Variants in CPD observed in about 807,000 individuals in gnomAD.
CPD encodes the protein metallocarboxypeptidase D.
A neutral mutation model predicts 138.3 loss-of-function variants in CPD; 69 were observed. That is an observed-to-expected ratio of 0.50 (90% CI 0.41 to 0.61). The LOEUF is 0.61. Ranked by LOEUF, CPD falls within the 20% of genes least tolerant of loss-of-function variation. The probability of loss-of-function intolerance (pLI) is 0.00; values close to 1 mark genes in which losing one functional copy is unlikely to be tolerated. For synonymous variants in CPD, 651 were observed against 642.1 expected (o/e 1.01, Z -0.21); for missense variants, 1,432 against 1,733.3 (o/e 0.83, Z 3.09).
Position 30,379,364 on chromosome 17 carries a change from C to T in CPD, c.384C>T (p.Gly128=), listed in dbSNP as rs775424707. Residue 128 remains glycine (G), a synonymous_variant, in exon 1 of 21, where the codon GGC becomes GGT. Coordinates refer to ENST00000225719, the MANE Select transcript of CPD (RefSeq NM_001304.5). The surrounding 1 kb of genome is among the most constrained non-coding windows in gnomAD (Gnocchi z 7.0). ...ACGCTGCGGGGCCGCTGCTGCCCGG[C>T]CGGCCCCAGGTGAAGCTGGTGGGCA... The part of the protein sequence containing the change: ...GPDAAGPLLP[G]RPQVKLVGNM... 6.6e-7 allele frequency: 1 copy of T among 1,505,800 alleles called. No homozygotes were observed. Among genetic ancestry groups the T allele is most frequent in the Non-Finnish European group, 8.8e-7 (1 of 1,134,766 alleles). 93.3% of individuals were successfully genotyped at this position (1,505,800 alleles called of 1,614,324 possible).
At chr17:30,386,839 C>T (rs1911203098) in intron 2 of CPD, among the ~76,000 whole-genome samples, 1 of 152,084 alleles carries the variant, frequency 6.6e-6, no homozygotes, top group Non-Finnish European at 1.5e-5. Context: ...GTTAGTAATA[C>T]ATTTTGTTTA....
intron 2 of CPD, among the ~76,000 whole-genome samples, chr17:30,420,558 T>A (rs1359653399): frequency 1.3e-5 from 2 of 152,210 alleles, no homozygotes; most frequent in African/African-American, 2.4e-5. Context: ...AAGCTGCTAT[T>A]ATTATTGTTA....
chr17:30,401,033 G>A (rs1436306470), intron 2 of CPD, among the ~76,000 whole-genome samples: 1 of 151,976 alleles, frequency 6.6e-6, no homozygotes, highest in East Asian at 1.9e-4. Flanking sequence ...GTTGTGGATT[G>A]TAGTTTGTTG....
At chr17:30,439,413 C>CT (rs1229848952) in intron 9 of CPD, among the ~76,000 whole-genome samples, 1 of 76,722 alleles carries the variant, frequency 1.3e-5, no homozygotes, top group Non-Finnish European at 2.7e-5. Context: ...TTTTTCTTTT[C>CT]TTTTTTTATT....
Position 30,445,827 on chromosome 17 carries a change from G to T in CPD, c.2680G>T (p.Ala894Ser), listed in dbSNP as rs1913013658. Residue 894 changes from alanine (A) to serine (S), a missense_variant, in exon 12 of 21, where the codon GCC becomes TCC. Around this residue, in one of 6 missense-constraint regions of CPD, gnomAD observed 124 missense variants for 117.0 expected, o/e 1.06. Transcript: ENST00000225719. The stretch of plus-strand genomic sequence containing the variant: ...AGGGGCTAGCAGCAGCACCAATGAT[G>T]CCAGTGATCCAACTACTAAAGAGTT... ...GKGASSSTNDASDPTTKEFET... is the reference protein window; with the variant it reads ...GKGASSSTNDSSDPTTKEFET... The T allele has an allele frequency of 6.2e-7, 1 of 1,613,994 alleles. No homozygotes were observed. The highest frequency in any genetic ancestry group is 2.2e-5 in the East Asian group (1 of 44,890).
chr17:30,435,831 A>G (rs150879796), intron 8 of CPD, among the ~76,000 whole-genome samples: 58 of 152,222 alleles, frequency 3.8e-4, no homozygotes, highest in African/African-American at 1.3e-3. Flanking sequence ...GAAACTGTGG[A>G]AGAATCCTTC....
chr17:30,410,480 G>A (rs548285500), intron 2 of CPD, among the ~76,000 whole-genome samples: 120 of 152,288 alleles, frequency 7.9e-4, no homozygotes, highest in African/African-American at 2.5e-3. Flanking sequence ...CATTATCATT[G>A]TGTGGGAGCC....
intron 17 of CPD, among the ~76,000 whole-genome samples, chr17:30,458,509 G>A (rs1913360714): frequency 6.6e-6 from 1 of 151,966 alleles, no homozygotes; most frequent in African/African-American, 2.4e-5. Flanking sequence ...AGTGGGAGGG[G>A]CGGGGTACAT....
intron 15 of CPD, 154 bp from the exon 16 acceptor site, chr17:30,456,102 A>G (rs1913285440): frequency 1.6e-6 from 1 of 610,732 alleles, no homozygotes; most frequent in Middle Eastern, 4.4e-4. Flanking sequence ...CTTGGGCTAA[A>G]TAAAACCTTT....
intron 2 of CPD, among the ~76,000 whole-genome samples, chr17:30,401,341 CTTCCTCCTCTTCCTCT>C: frequency 6.6e-6 from 1 of 151,486 alleles, no homozygotes; most frequent in African/African-American, 2.4e-5. Context: ...TCTTCCTCTT[CTTCCTCCTCTTCCTCT>C]TCTTCCTCCT....
rs1259239558 is a variant in CPD, at chr17:30,431,866, A to G, written c.2112A>G (p.Ala704=). ...SPDDAVFQQI[A]LSYSKENSQM... ...ATGATGCTGTGTTCCAACAAATAGCACTTTCTTATTCCAAGGTAGGCTTGT... is the reference window on the plus strand; with the variant it reads ...ATGATGCTGTGTTCCAACAAATAGCGCTTTCTTATTCCAAGGTAGGCTTGT... Residue 704 remains alanine, a synonymous_variant, in exon 8 of 21, where the codon GCA becomes GCG. Coordinates refer to ENST00000225719, the MANE Select transcript of CPD (RefSeq NM_001304.5). The G allele has an allele frequency of 6.2e-7, 1 of 1,601,698 alleles. No homozygotes were observed. The highest frequency in any genetic ancestry group is 1.3e-5 in the African/African-American group (1 of 74,756).
chr17:30,399,243 G>A (rs1911587392), intron 2 of CPD, among the ~76,000 whole-genome samples: 1 of 152,118 alleles, frequency 6.6e-6, no homozygotes, highest in Non-Finnish European at 1.5e-5. Flanking sequence ...GATATGGTCA[G>A]ACTTGGTGCA....
chr17:30,415,977 G>A (rs1360207199), intron 2 of CPD, among the ~76,000 whole-genome samples: 7 of 152,168 alleles, frequency 4.6e-5, no homozygotes, highest in East Asian at 1.9e-4. Flanking sequence ...GCCAAGAGCC[G>A]GGGAGAGTGG....
intron 17 of CPD, among the ~76,000 whole-genome samples, chr17:30,459,570 G>T (rs1396750531): frequency 6.6e-6 from 1 of 152,172 alleles, no homozygotes; most frequent in Non-Finnish European, 1.5e-5. Flanking sequence ...GTAGTAAGTT[G>T]TAAAATTGGA....
chr17:30,381,594 A>C (rs959765583), intron 1 of CPD, among the ~76,000 whole-genome samples: 1 of 152,198 alleles, frequency 6.6e-6, no homozygotes, highest in African/African-American at 2.4e-5. Flanking sequence ...TTCACTCAAA[A>C]TGCGTACTCT....
intron 17 of CPD, chr17:30,456,812 A>G (rs1353711239): frequency 5.7e-5 from 11 of 192,394 alleles, no homozygotes; most frequent in Middle Eastern, 1.9e-3. Context: ...GCACTACTGC[A>G]CTCCAGCCTG....
intron 2 of CPD, among the ~76,000 whole-genome samples, chr17:30,396,513 C>T (rs1241671880): frequency 6.6e-6 from 1 of 152,122 alleles, no homozygotes; most frequent in East Asian, 1.9e-4. Context: ...ATTAATCTCC[C>T]CTCCCCTTAA....
chr17:30,403,143 C>T (rs146389308), intron 2 of CPD, among the ~76,000 whole-genome samples: 33 of 152,238 alleles, frequency 2.2e-4, no homozygotes, highest in Middle Eastern at 3.4e-3. Context: ...TAATACTTGT[C>T]TGTTTGTGCC....
intron 2 of CPD, among the ~76,000 whole-genome samples, chr17:30,402,638 A>G (rs1911704242): frequency 6.6e-6 from 1 of 152,264 alleles, no homozygotes; most frequent in African/African-American, 2.4e-5. Context: ...CTTTAAGGTT[A>G]GTCTGGTAAT....
Sources: allele counts gnomAD v4.1 joint callset (sites outside exome capture counted in the v4.1 genomes callset), GRCh38; gene constraint gnomAD v4.1.1; regional missense constraint gnomAD v4.1.1; non-coding constraint Gnocchi (gnomAD v3.1); transcripts MANE v1.5; gene names NCBI Gene and HGNC (gene_info 2026-07-23, HGNC 2026-07-21).